The following SLC25A13 variants were observed in gnomAD, a reference collection of about 807,000 sequenced individuals.
The protein encoded by SLC25A13 is solute carrier family 25 member 13.
Under a neutral mutation model 85.5 loss-of-function variants are expected in SLC25A13, and 70 were observed. The ratio of observed to expected loss-of-function variants is 0.82; its 90% CI spans 0.68 to 1.00. The LOEUF (loss-of-function observed/expected upper bound fraction) is 1.00, where lower values mean the gene tolerates loss of function less well. Among genes scored for constraint, SLC25A13 ranks in the 50% least tolerant of loss-of-function variants. SLC25A13 has a pLI of 0.00. For synonymous variants in SLC25A13, 259 were observed against 288.7 expected (o/e 0.90, Z 1.04); for missense variants, 765 against 819.8 (o/e 0.93, Z 0.82).
intron 3 of SLC25A13, among the ~76,000 whole-genome samples, chr7:96,244,128 G>A (rs1269970926): frequency 2.6e-5 from 4 of 152,088 alleles, no homozygotes; most frequent in African/African-American, 9.7e-5. Context: ...GCTTAATTAC[G>A]TGGGGTCTGG....
chr7:96,248,064 T>C (rs1175894107), intron 3 of SLC25A13, among the ~76,000 whole-genome samples: 1 of 152,050 alleles, frequency 6.6e-6, no homozygotes, highest in Non-Finnish European at 1.5e-5. Flanking sequence ...GTGCTTTTTC[T>C]ACAGTCTCAA....
At chr7:96,219,907 CACTA>C (rs1464517061) in intron 4 of SLC25A13, among the ~76,000 whole-genome samples, 14 of 152,216 alleles carry the variant, frequency 9.2e-5, no homozygotes, top group Admixed American at 2.6e-4. Context: ...CTGTCACACA[CACTA>C]ACTAAATCAA....
chr7:96,148,249 G>A (rs1425782378), intron 13 of SLC25A13, among the ~76,000 whole-genome samples: 6 of 152,216 alleles, frequency 3.9e-5, no homozygotes, highest in Non-Finnish European at 8.8e-5. Context: ...GAAGTAGAGT[G>A]TGAGATGATA....
chr7:96,245,125 T>C (rs1269317577), intron 3 of SLC25A13, among the ~76,000 whole-genome samples: 1 of 152,204 alleles, frequency 6.6e-6, no homozygotes, highest in Non-Finnish European at 1.5e-5. Context: ...GGGGTATTCT[T>C]ATACCTCCAA....
intron 13 of SLC25A13, among the ~76,000 whole-genome samples, chr7:96,164,746 A>ACACACACACACACACACAC (rs1554344473): frequency 5.9e-5 from 9 of 151,724 alleles, no homozygotes; most frequent in South Asian, 2.1e-4. Context: ...ACACACACAC[A>ACACACACACACACACACAC]AAAGAAGCAG....
chr7:96,210,113 A>T (rs1562845369), intron 4 of SLC25A13, among the ~76,000 whole-genome samples: 2 of 152,210 alleles, frequency 1.3e-5, no homozygotes, highest in African/African-American at 4.8e-5. Context: ...AGTTTCCAGA[A>T]ATTTTTAAAG....
At chr7:96,201,958 T>C (rs1215627595) in intron 5 of SLC25A13, among the ~76,000 whole-genome samples, 4 of 152,120 alleles carry the variant, frequency 2.6e-5, no homozygotes, top group East Asian at 1.9e-4. Flanking sequence ...TAGAGGGACA[T>C]TGGCAACTAC....
intron 3 of SLC25A13, among the ~76,000 whole-genome samples, chr7:96,248,242 T>A (rs2116858151): frequency 1.3e-5 from 2 of 152,208 alleles, no homozygotes; most frequent in Non-Finnish European, 2.9e-5. Context: ...AAAGGACACA[T>A]ATAAAAAGAA....
chr7:96,231,397 C>T (rs975065326), intron 4 of SLC25A13, among the ~76,000 whole-genome samples: 1 of 152,064 alleles, frequency 6.6e-6, no homozygotes, highest in Non-Finnish European at 1.5e-5. Flanking sequence ...CTATAAGGAA[C>T]TTAAATTTAC....
At chr7:96,209,353 T>TACACACACACAC (rs59571646) in intron 4 of SLC25A13, among the ~76,000 whole-genome samples, 5,021 of 145,494 alleles carry the variant, frequency 0.035, 172 homozygotes, top group East Asian at 0.082. Flanking sequence ...GGAAAACACA[T>TACACACACACAC]ACACACACAC....
intron 4 of SLC25A13, among the ~76,000 whole-genome samples, chr7:96,216,710 A>T (rs1013668144): frequency 6.6e-6 from 1 of 152,170 alleles, no homozygotes; most frequent in South Asian, 2.1e-4. Context: ...GAACACACGG[A>T]CACAGAGGAG....
chr7:96,251,930 C>A lies in SLC25A13; in HGVS notation c.213-17013G>T, dbSNP rs530312253. Among the ~76,000 whole-genome samples the A allele has an allele frequency of 2.6e-5, 4 of 152,290 alleles. No individual in the cohort carries two copies. The South Asian group carries it at 8.3e-4, about 32-fold the overall frequency. On this transcript the variant is annotated intron_variant, in intron 3 of 17. Transcript: ENST00000265631. ...CAACCTGATGAGTCTTTACTAAGCA[C>A]TTCTTATTGGACACCCTGGTCAGAG...
At chr7:96,213,644 A>C (rs902769243) in intron 4 of SLC25A13, among the ~76,000 whole-genome samples, 1 of 152,194 alleles carries the variant, frequency 6.6e-6, no homozygotes, top group African/African-American at 2.4e-5. Context: ...TTGGTTGCTT[A>C]CTTGGTTCAG....
intron 15 of SLC25A13, among the ~76,000 whole-genome samples, chr7:96,127,533 C>A (rs922453825): frequency 2.0e-5 from 3 of 152,208 alleles, no homozygotes; most frequent in Non-Finnish European, 4.4e-5. Flanking sequence ...CTAAAACAAT[C>A]TAACCTCAAG....
intron 4 of SLC25A13, among the ~76,000 whole-genome samples, chr7:96,229,964 G>A (rs764317642): frequency 6.6e-6 from 1 of 152,150 alleles, no homozygotes; most frequent in Non-Finnish European, 1.5e-5. Context: ...CTCTACTGAA[G>A]CTAAATATAC....
At chr7:96,273,419 T>C (rs1055308537) in intron 3 of SLC25A13, among the ~76,000 whole-genome samples, 2 of 152,186 alleles carry the variant, frequency 1.3e-5, no homozygotes, top group African/African-American at 4.8e-5. Flanking sequence ...TTCTAGTATA[T>C]TTAAATATGG....
intron 15 of SLC25A13, among the ~76,000 whole-genome samples, chr7:96,122,396 G>T (rs978763983): frequency 2.6e-5 from 4 of 152,102 alleles, no homozygotes; most frequent in Non-Finnish European, 5.9e-5. Flanking sequence ...TTTTTCAGAG[G>T]TGAAGCTTGT....
intron 13 of SLC25A13, among the ~76,000 whole-genome samples, chr7:96,162,664 G>A (rs985069396): frequency 2.6e-5 from 4 of 152,168 alleles, no homozygotes; most frequent in Non-Finnish European, 5.9e-5. Flanking sequence ...GAAAGGCTAG[G>A]TGGCTGGCAA....
At chr7:96,304,838 C>G (rs1349098740) in intron 1 of SLC25A13, among the ~76,000 whole-genome samples, 1 of 152,148 alleles carries the variant, frequency 6.6e-6, no homozygotes, top group Non-Finnish European at 1.5e-5. Flanking sequence ...AAACCCTGCC[C>G]CAAGCAGGGA....
Sources: gnomAD v4.1 joint callset for allele counts (sites outside exome capture counted in the v4.1 genomes callset) on GRCh38, gnomAD v4.1.1 for gene constraint, MANE v1.5 for transcripts, NCBI Gene and HGNC (gene_info 2026-07-23, HGNC 2026-07-21) for gene names.